OLFM3: variants seen among roughly 807,000 people sequenced by gnomAD.
The protein encoded by OLFM3 is olfactomedin 3.
OLFM3 carries 20 observed loss-of-function variants against 48.6 expected under a neutral mutation model. The ratio of observed to expected loss-of-function variants is 0.41; its 90% CI spans 0.29 to 0.60. The LOEUF (loss-of-function observed/expected upper bound fraction) is 0.60, where lower values mean the gene tolerates loss of function less well. Among genes scored for constraint, OLFM3 ranks in the 20% least tolerant of loss-of-function variants. The probability of loss-of-function intolerance (pLI) is 0.28; values close to 1 mark genes in which losing one functional copy is unlikely to be tolerated. For missense variants in OLFM3, 437 were observed against 544.3 expected, an observed-to-expected ratio of 0.80 and a Z score of 1.96; for synonymous variants, 222 against 198.1, an observed-to-expected ratio of 1.12 and a Z score of -1.01.
At chr1:101,989,522 A>T (rs1369882945) in intron 1 of OLFM3, among the ~76,000 whole-genome samples, 1 of 152,122 alleles carries the variant, frequency 6.6e-6, no homozygotes, top group Non-Finnish European at 1.5e-5. Context: ...GTATTTTTAA[A>T]CATTTTTAAA....
intron 1 of OLFM3, among the ~76,000 whole-genome samples, chr1:101,952,655 T>C (rs1660178566): frequency 6.6e-6 from 1 of 152,032 alleles, no homozygotes; most frequent in African/African-American, 2.4e-5. Flanking sequence ...TATCTAAAAA[T>C]AATGAAACTA....
At chr1:101,978,231 C>T (rs1368929149) in intron 1 of OLFM3, among the ~76,000 whole-genome samples, 9 of 152,004 alleles carry the variant, frequency 5.9e-5, no homozygotes, top group Non-Finnish European at 1.3e-4. Context: ...TCAAGTGAGA[C>T]AAGTTGTTTA....
rs377231521 is a variant in OLFM3, at chr1:101,836,647, G to T, written c.216+232C>A. Among the ~76,000 whole-genome samples, 5 of 151,002 alleles carry T rather than the reference G, an allele frequency of 3.3e-5. No homozygotes were observed. In the East Asian group the frequency reaches 5.8e-4, roughly 18 times the overall value. On this transcript the variant is annotated intron_variant, in intron 2 of 5. Transcript: ENST00000370103. Reference sequence around the variant, plus strand: ...ACTAGAGATTAAGATATATGGTAGAGAGCCAGTCTTAAGGTGGCAAGGTTA... The same window carrying T: ...ACTAGAGATTAAGATATATGGTAGATAGCCAGTCTTAAGGTGGCAAGGTTA...
intron 1 of OLFM3, among the ~76,000 whole-genome samples, chr1:101,940,181 A>G (rs975495108): frequency 2.0e-5 from 3 of 152,080 alleles, no homozygotes; most frequent in African/African-American, 4.8e-5. Flanking sequence ...AGATGTTTCC[A>G]GCCAGTAATA....
chr1:101,889,328 A>C (rs943015428), intron 1 of OLFM3, among the ~76,000 whole-genome samples: 7 of 152,198 alleles, frequency 4.6e-5, no homozygotes, highest in Non-Finnish European at 8.8e-5. Context: ...ATCCATAAAA[A>C]AGGATGAGTT....
chr1:101,981,913 G>T (rs1557756366), intron 1 of OLFM3, among the ~76,000 whole-genome samples: 1 of 151,822 alleles, frequency 6.6e-6, no homozygotes, highest in Non-Finnish European at 1.5e-5. Flanking sequence ...GAAGGAAGCA[G>T]GAAAGGGAAG....
In OLFM3 at chr1:101,917,778, T is replaced by C. The variant is rs557866529; in HGVS notation, c.69+78970A>G. Among the ~76,000 whole-genome samples the C allele has an allele frequency of 4.6e-5, 7 of 152,332 alleles. No homozygotes were observed. In the East Asian group the frequency reaches 1.3e-3, roughly 29 times the overall value. ...GTTGAAGTTTTTTAAAATATTGAAT[T>C]ATCTTATTACTTTTCCCATAATTAA... On this transcript the variant is annotated intron_variant, in intron 1 of 5. Coordinates refer to ENST00000370103, the MANE Select transcript of OLFM3 (RefSeq NM_058170.4).
chr1:101,816,445 G>A (rs775892913), intron 4 of OLFM3, among the ~76,000 whole-genome samples: 1 of 152,152 alleles, frequency 6.6e-6, no homozygotes, highest in Non-Finnish European at 1.5e-5. Context: ...TAGTAACCAT[G>A]AGTAATCATG....
At chr1:101,925,205 T>C (rs1476271003) in intron 1 of OLFM3, among the ~76,000 whole-genome samples, 1 of 151,708 alleles carries the variant, frequency 6.6e-6, no homozygotes, top group Non-Finnish European at 1.5e-5. Context: ...TGGGAGATAA[T>C]GTTAGATAGA....
At chr1:101,991,240 T>C (rs758651018) in intron 1 of OLFM3, among the ~76,000 whole-genome samples, 1 of 151,808 alleles carries the variant, frequency 6.6e-6, no homozygotes, top group Admixed American at 6.6e-5. Flanking sequence ...TATATGGAAA[T>C]GTACAGATAA....
chr1:101,978,879 T>C (rs1661027238), intron 1 of OLFM3, among the ~76,000 whole-genome samples: 2 of 152,196 alleles, frequency 1.3e-5, no homozygotes, highest in Admixed American at 1.3e-4. Context: ...TTTCTTCCTC[T>C]ATGTTTGTTG....
intron 1 of OLFM3, among the ~76,000 whole-genome samples, chr1:101,883,671 T>C (rs1223101999): frequency 6.6e-6 from 1 of 151,960 alleles, no homozygotes; most frequent in African/African-American, 2.4e-5. Context: ...TACCTGTCTT[T>C]CTCTTTTTTT....
intron 1 of OLFM3, among the ~76,000 whole-genome samples, chr1:101,917,584 T>A (rs1454732362): frequency 6.6e-6 from 1 of 152,044 alleles, no homozygotes; most frequent in Non-Finnish European, 1.5e-5. Context: ...ACCCAACTAA[T>A]CTTTATATTT....
intron 4 of OLFM3, among the ~76,000 whole-genome samples, chr1:101,810,827 T>C: frequency 6.6e-6 from 1 of 151,800 alleles, no homozygotes; most frequent in Admixed American, 6.6e-5. Context: ...TTATGAATTA[T>C]AATATTTATC....
At chr1:101,851,877 CT>C (rs1203892753) in intron 1 of OLFM3, among the ~76,000 whole-genome samples, 1 of 152,078 alleles carries the variant, frequency 6.6e-6, no homozygotes, top group Non-Finnish European at 1.5e-5. Flanking sequence ...ACTTGCAAGC[CT>C]GTTAAGACCC....
In OLFM3 at chr1:101,963,565, C is replaced by A. The variant is rs373531309; in HGVS notation, c.69+33183G>T. Among the ~76,000 whole-genome samples the A allele has an allele frequency of 2.1e-4, 32 of 152,000 alleles. No homozygotes were observed. The East Asian group carries it at 5.6e-3, about 27-fold the overall frequency. ...CTTGACTCTTTTAGGAGAAATGTCT[C>A]CATCATTTTTGTTTCTTTCTCTTTA... is the stretch of plus-strand genomic sequence containing the variant. On this transcript the variant is annotated intron_variant, in intron 1 of 5. Coordinates refer to ENST00000370103, the MANE Select transcript of OLFM3 (RefSeq NM_058170.4).
At chr1:101,971,235 G>A (rs1316505669) in intron 1 of OLFM3, among the ~76,000 whole-genome samples, 1 of 152,156 alleles carries the variant, frequency 6.6e-6, no homozygotes, top group East Asian at 1.9e-4. Flanking sequence ...TGAAAGAATT[G>A]GAGTAGAAGG....
At chr1:101,959,915 C>G (rs574705802) in intron 1 of OLFM3, among the ~76,000 whole-genome samples, 37 of 152,258 alleles carry the variant, frequency 2.4e-4, no homozygotes, top group African/African-American at 8.2e-4. Context: ...ATACTGACCC[C>G]TAATTATCAG....
At chr1:101,828,064 CTG>C (rs1491294094) in intron 3 of OLFM3, among the ~76,000 whole-genome samples, 2,343 of 77,172 alleles carry the variant, frequency 0.03, 67 homozygotes, top group Admixed American at 0.093. Context: ...CTCTCTCTCT[CTG>C]TCTCTCTCTC....
Sources: gnomAD v4.1 joint callset for allele counts (sites outside exome capture counted in the v4.1 genomes callset) on GRCh38, gnomAD v4.1.1 for gene constraint, MANE v1.5 for transcripts, NCBI Gene and HGNC (gene_info 2026-07-23, HGNC 2026-07-21) for gene names.